TRIM26: variants seen among roughly 807,000 people sequenced by gnomAD.
TRIM26 encodes tripartite motif containing 26.
Under a neutral mutation model 45.5 loss-of-function variants are expected in TRIM26, and 16 were observed. The observed-to-expected ratio is 0.35, with a 90% CI of 0.24 to 0.53. The LOEUF is 0.53. Among genes scored for constraint, TRIM26 ranks in the 20% least tolerant of loss-of-function variants. The pLI is 0.92. For missense variants in TRIM26, 442 were observed against 691.1 expected, an observed-to-expected ratio of 0.64 and a Z score of 4.04; for synonymous variants, 273 against 290.4, an observed-to-expected ratio of 0.94 and a Z score of 0.61.
At position 30,194,631 on chromosome 6, in the gene TRIM26, G is replaced by A. The variant is rs182678676; in HGVS notation, c.765+1885C>T. On this transcript the variant is annotated intron_variant, in intron 6 of 9. Transcript: ENST00000454678. ...AGCACTGTGGGAGGCTGAGGCAGGC[G>A]ATCACCTGAGGTCAGGAGTTCAAGA... Among the ~76,000 whole-genome samples, 235 of 152,272 alleles carry A rather than the reference G, an allele frequency of 1.5e-3. 3 individuals are homozygous for A. The highest frequency in any genetic ancestry group is 0.01 in the Middle Eastern group (3 of 294).
At chr6:30,193,759 G>A (rs2517617) in intron 6 of TRIM26, among the ~76,000 whole-genome samples, 9,621 of 152,074 alleles carry the variant, frequency 0.063, 461 homozygotes, top group Non-Finnish European at 0.1. Flanking sequence ...TCAGTGTTTT[G>A]TAGTTTTCAT....
rs754935120 is a variant in TRIM26, at chr6:30,198,502, C to T, written c.461G>A (p.Ser154Asn). The T allele has an allele frequency of 6.2e-7, 1 of 1,613,066 alleles. No homozygotes were observed. The highest frequency in any genetic ancestry group is 2.2e-5 in the East Asian group (1 of 44,886). ...TTTGTCTCTGTCCCTCCTTAGGGTA[C>T]TCAGGTGGTTCAGGATTTTTTCCTG... ...PHREKILNHLSTLRRDRDKIQ... is the reference protein window; with the variant it reads ...PHREKILNHLNTLRRDRDKIQ... The change falls in exon 5 of 10, where the codon AGT becomes AAT. Residue 154 changes from serine to asparagine, a missense_variant. By Grantham distance (46) the Ser-to-Asn change is conservative. Coordinates refer to ENST00000454678, the MANE Select transcript of TRIM26 (RefSeq NM_003449.5). The surrounding 1 kb of genome is among the most constrained non-coding windows in gnomAD (Gnocchi z 6.3).
At chr6:30,188,367 TG>T (rs1775613305) in intron 9 of TRIM26, 1 of 432,886 alleles carries the variant, frequency 2.3e-6, no homozygotes, top group Admixed American at 3.4e-5. Context: ...CAGCCTGCTC[TG>T]TAAGATGGTT....
intron 9 of TRIM26, chr6:30,188,111 C>T (rs1280949864): frequency 7.5e-5 from 11 of 146,152 alleles, no homozygotes; most frequent in East Asian, 1.9e-4. Context: ...CCTAGCTACT[C>T]GGGAGGCTGA....
intron 3 of TRIM26, among the ~76,000 whole-genome samples, chr6:30,200,389 A>C (rs1777041419): frequency 6.6e-6 from 1 of 152,252 alleles, no homozygotes; most frequent in Non-Finnish European, 1.5e-5. Context: ...TCTGACTGTC[A>C]GCATTTCCCT....
rs1052625366 is a variant in TRIM26 at position 30,185,649 on chromosome 6, C to G, written c.*227G>C. On this transcript the variant is annotated 3_prime_UTR_variant, in exon 10 of 10. Coordinates refer to ENST00000454678, the MANE Select transcript of TRIM26 (RefSeq NM_003449.5). The surrounding 1 kb of genome is among the most constrained non-coding windows in gnomAD (Gnocchi z 5.7). ...TGGACTCCAGGGTCAGAAGTTCCCT[C>G]GGGAAACCAGCAGGAGGTGGGAAAA... is the stretch of plus-strand genomic sequence containing the variant. The G allele has an allele frequency of 8.6e-6, 5 of 578,788 alleles. No homozygotes were observed. Among genetic ancestry groups the G allele is most frequent in the Non-Finnish European group, 1.5e-5 (5 of 333,346 alleles). The allele number at this position is 578,788 out of a possible 1,614,324, so 35.9% of individuals were successfully genotyped here. A position where few individuals can be genotyped will look rare whatever the true frequency, so the allele number is the denominator to read the frequency against.
chr6:30,206,706 ACTGGTGAGTCTTCAAAACATAC>A (rs535025360), intron 1 of TRIM26, among the ~76,000 whole-genome samples: 1 of 152,308 alleles, frequency 6.6e-6, no homozygotes, highest in Admixed American at 6.5e-5. Context: ...TAGTCTTCAA[ACTGGTGAGTCTTCAAAACATAC>A]CTAGACCAAC....
At chr6:30,188,551 C>A in intron 9 of TRIM26, 1 of 244,434 alleles carries the variant, frequency 4.1e-6, no homozygotes, top group South Asian at 8.0e-5. Flanking sequence ...TAACTCAGTT[C>A]TGCTATGGGA....
chr6:30,194,955 A>G (rs913782086), intron 6 of TRIM26, among the ~76,000 whole-genome samples: 7 of 152,184 alleles, frequency 4.6e-5, no homozygotes, highest in African/African-American at 1.7e-4. Flanking sequence ...TAGCACTAAA[A>G]TTAAAAGAGA....
At chr6:30,202,530 A>G (rs1157601048) in intron 2 of TRIM26, among the ~76,000 whole-genome samples, 1 of 152,232 alleles carries the variant, frequency 6.6e-6, no homozygotes, top group African/African-American at 2.4e-5. Flanking sequence ...TGGTTATCTT[A>G]ACTAAGTGAC....
intron 1 of TRIM26, among the ~76,000 whole-genome samples, chr6:30,208,278 C>A (rs937493232): frequency 3.3e-5 from 5 of 152,168 alleles, no homozygotes; most frequent in Non-Finnish European, 7.3e-5. Context: ...TTCCCTGTAG[C>A]AGCAAGAACA....
chr6:30,203,046 CTTTTTTTTTTT>C (rs9278610), intron 2 of TRIM26, among the ~76,000 whole-genome samples: 5 of 132,838 alleles, frequency 3.8e-5, no homozygotes, highest in Admixed American at 1.5e-4. Flanking sequence ...TCCTCTCTTT[CTTTTTTTTTTT>C]TTTTTTTTTG....
intron 3 of TRIM26, among the ~76,000 whole-genome samples, 166 bp downstream of exon 3, chr6:30,200,869 G>A (rs767681193): frequency 3.7e-4 from 56 of 152,286 alleles, no homozygotes; most frequent in Admixed American, 9.8e-4. Flanking sequence ...GTACACAGAC[G>A]GAAATCTAGG....
chr6:30,200,965 G>C (rs760947417), intron 3 of TRIM26, 70 bp downstream of exon 3: 1 of 152,214 alleles, frequency 6.6e-6, no homozygotes, highest in Non-Finnish European at 1.5e-5. Flanking sequence ...CAGCAAAAGA[G>C]GAAGTGAGCA....
rs116291097 is a variant in TRIM26 at position 30,203,838 on chromosome 6, G to A, written c.-266+818C>T. Among the ~76,000 whole-genome samples, 899 of 147,598 alleles carry A rather than the reference G, an allele frequency of 6.1e-3. 16 individuals are homozygous for A. The highest frequency in any genetic ancestry group is 0.022 in the African/African-American group (864 of 39,630). On this transcript the variant is annotated intron_variant, in intron 2 of 9. Transcript: ENST00000454678. ...GAGACAGGGTCTTACTCTGTCCCCC[G>A]AGTGCAGTGGAACTATCTTGGCTCA... is the stretch of plus-strand genomic sequence containing the variant.
chr6:30,187,006 G>C, intron 9 of TRIM26: 1 of 400,064 alleles, frequency 2.5e-6, no homozygotes, highest in Non-Finnish European at 4.6e-6. Context: ...ATCAGCTGCA[G>C]TGAAAGGAAC....
In TRIM26 at chr6:30,209,257, A is replaced by G. The variant is rs138160728; in HGVS notation, c.-376+4048T>C. On this transcript the variant is annotated intron_variant, in intron 1 of 9. Transcript: ENST00000454678. The surrounding 1 kb of genome is among the most constrained non-coding windows in gnomAD (Gnocchi z 4.8). Reference sequence around the variant, plus strand: ...TGAGACACCTGTGACATCACATTTTAGCATCTCTGAAATGTGATCAATTGC... The same window carrying G: ...TGAGACACCTGTGACATCACATTTTGGCATCTCTGAAATGTGATCAATTGC... Among the ~76,000 whole-genome samples the G allele has an allele frequency of 4.4e-3, 677 of 152,362 alleles. 2 individuals are homozygous for G. The highest frequency in any genetic ancestry group is 0.011 in the African/African-American group (477 of 41,584).
rs781546573 is a variant in TRIM26 at position 30,186,533 on chromosome 6, C to T, written c.963G>A (p.Ser321=). 2 of 1,519,586 alleles carry T rather than the reference C, an allele frequency of 1.3e-6. No homozygotes were observed. The highest frequency in any genetic ancestry group is 1.8e-6 in the Non-Finnish European group (2 of 1,137,196). The allele number at this position is 1,519,586 out of a possible 1,614,324, so 94.1% of individuals were successfully genotyped here. ...CTGACAGCTGCAGGTACCCACTGGC[C>T]GACTGTGGGTCCAGGGTGACGCTCA... ...KTVSVTLDPQ[S]ASGYLQLSED... The change falls in exon 10 of 10, where the codon TCG becomes TCA. Residue 321 remains serine (S), a synonymous_variant. Transcript: ENST00000454678. This position sits in a 1 kb window ranked among gnomAD's most constrained non-coding sequence, Gnocchi z 7.4.
At chr6:30,200,244 T>C (rs901092835) in intron 3 of TRIM26, among the ~76,000 whole-genome samples, 1 of 152,136 alleles carries the variant, frequency 6.6e-6, no homozygotes, top group African/African-American at 2.4e-5. Context: ...ATTGTACTAC[T>C]ACACTCCAGA....
Sources: gnomAD v4.1 joint callset for allele counts (sites outside exome capture counted in the v4.1 genomes callset) on GRCh38, gnomAD v4.1.1 for gene constraint, Gnocchi (gnomAD v3.1) non-coding constraint, MANE v1.5 for transcripts, NCBI Gene and HGNC (gene_info 2026-07-23, HGNC 2026-07-21) for gene names.